The following GRB14 variants were observed in gnomAD, a reference collection of about 807,000 sequenced individuals.
GRB14 encodes growth factor receptor bound protein 14.
In GRB14, 38 loss-of-function variants were observed where a neutral mutation model predicts 69.1. The ratio of observed to expected loss-of-function variants is 0.55; its 90% CI spans 0.42 to 0.72. The LOEUF is 0.72. GRB14 is among the 30% of genes least tolerant of loss of function. The probability of loss-of-function intolerance (pLI) is 0.00; values close to 1 mark genes in which losing one functional copy is unlikely to be tolerated. For missense variants in GRB14, 666 were observed against 666.1 expected (o/e 1.00, Z 0.00); for synonymous variants, 247 against 241.3 (o/e 1.02, Z -0.22).
intron 6 of GRB14, among the ~76,000 whole-genome samples, chr2:164,518,899 G>C (rs1244698643): frequency 6.6e-6 from 1 of 151,484 alleles, no homozygotes; most frequent in Admixed American, 6.6e-5. Flanking sequence ...CAAAAAAAAA[G>C]GTCCAGGACC....
chr2:164,592,293 C>A (rs1435986235), intron 2 of GRB14, among the ~76,000 whole-genome samples: 2 of 152,062 alleles, frequency 1.3e-5, no homozygotes, highest in Non-Finnish European at 2.9e-5. Flanking sequence ...TATCATCACG[C>A]CAGGTTAATT....
intron 6 of GRB14, among the ~76,000 whole-genome samples, chr2:164,512,681 C>T (rs189976907): frequency 2.0e-5 from 3 of 152,218 alleles, no homozygotes; most frequent in South Asian, 4.1e-4. Context: ...CATGCACACA[C>T]ATAAGACCCA....
At chr2:164,562,493 C>A (rs1010419181) in intron 2 of GRB14, among the ~76,000 whole-genome samples, 1 of 152,092 alleles carries the variant, frequency 6.6e-6, no homozygotes, top group Non-Finnish European at 1.5e-5. Context: ...TGAAGAAAAA[C>A]CACTTTTTGT....
intron 2 of GRB14, among the ~76,000 whole-genome samples, chr2:164,555,919 C>T (rs1688668027): frequency 6.6e-6 from 1 of 151,660 alleles, no homozygotes; most frequent in African/African-American, 2.4e-5. Flanking sequence ...CAATATTTTT[C>T]TTTATTATTT....
chr2:164,617,113 G>T (rs1690316405), intron 2 of GRB14, among the ~76,000 whole-genome samples: 1 of 152,110 alleles, frequency 6.6e-6, no homozygotes, highest in East Asian at 1.9e-4. Flanking sequence ...GGGGGAAAAA[G>T]GAAGCATAAA....
intron 1 of GRB14, among the ~76,000 whole-genome samples, chr2:164,620,891 C>A (rs765085072): frequency 6.6e-6 from 1 of 152,166 alleles, no homozygotes; most frequent in Non-Finnish European, 1.5e-5. Context: ...TGGGCAGAGG[C>A]GAGAGAGATG....
chr2:164,582,745 C>T (rs940949431), intron 2 of GRB14, among the ~76,000 whole-genome samples: 2 of 152,156 alleles, frequency 1.3e-5, no homozygotes, highest in Admixed American at 1.3e-4. Flanking sequence ...AGTTCACTCC[C>T]TAAGAATGAA....
intron 3 of GRB14, among the ~76,000 whole-genome samples, chr2:164,531,536 G>A (rs921812851): frequency 6.6e-6 from 1 of 152,130 alleles, no homozygotes. Context: ...TTGTTTTTTT[G>A]AGTGTCACAG....
intron 2 of GRB14, among the ~76,000 whole-genome samples, chr2:164,590,849 C>T (rs998122473): frequency 5.9e-5 from 9 of 152,176 alleles, no homozygotes; most frequent in African/African-American, 1.9e-4. Context: ...GAATATACAA[C>T]TGCACTGGTC....
chr2:164,558,124 C>T (rs562292491), intron 2 of GRB14, among the ~76,000 whole-genome samples: 15 of 152,224 alleles, frequency 9.9e-5, no homozygotes, highest in African/African-American at 3.4e-4. Flanking sequence ...CAGGACATCT[C>T]CTTAAAGCCC....
intron 3 of GRB14, among the ~76,000 whole-genome samples, chr2:164,541,840 TTTCAACCC>T (rs1181741751): frequency 1.3e-5 from 2 of 152,082 alleles, no homozygotes; most frequent in African/African-American, 4.8e-5. Context: ...ACAGTTAGTT[TTTCAACCC>T]TTCCTCCCAC....
chr2:164,573,658 T>C, intron 2 of GRB14: 1 of 1,571,278 alleles, frequency 6.4e-7, no homozygotes. Context: ...TTCTTTATGG[T>C]TCTTCAGTAG....
chr2:164,497,021 C>G lies in GRB14; in HGVS notation c.1369G>C (p.Gly457Arg). 6.8e-6 allele frequency: 11 copies of G among 1,613,670 alleles called. No individual in the cohort carries two copies. The highest frequency in any genetic ancestry group is 9.3e-6 in the Non-Finnish European group (11 of 1,179,674). Reference sequence around the variant, plus strand: ...TACCAAACTTACCCATCCACAAGTCCTTGCTGAATAATCAATCGCTGAGCC... The same window carrying G: ...TACCAAACTTACCCATCCACAAGTCGTTGCTGAATAATCAATCGCTGAGCC... ...DEAQRLIIQQ[G>R]LVDGVFLVRD... is the part of the protein sequence containing the mutation. The change falls in exon 12 of 14, where the codon GGA becomes CGA. Residue 457 changes from glycine to arginine, a missense_variant. Physicochemically the swap from Gly to Arg is moderately radical, Grantham distance 125. Coordinates refer to ENST00000263915, the MANE Select transcript of GRB14 (RefSeq NM_004490.3).
rs546197650 is a variant in GRB14 at position 164,580,156 on chromosome 2, G to A, written c.325-32340C>T. 2.8e-4 allele frequency among the ~76,000 whole-genome samples: 42 copies of A among 150,986 alleles called. 1 individual carries two copies. The South Asian group carries it at 6.7e-3, about 24-fold the overall frequency. On this transcript the variant is annotated intron_variant, in intron 2 of 13. Transcript: ENST00000263915. ...GTCGCCCAGGCTGGAGTGCAGTGGC[G>A]TGGTCTCGCCTCACTGCAACCTCTG...
chr2:164,584,804 G>T (rs937793166), intron 2 of GRB14, among the ~76,000 whole-genome samples: 1 of 152,026 alleles, frequency 6.6e-6, no homozygotes, highest in Non-Finnish European at 1.5e-5. Context: ...TCAAGAAACT[G>T]CTAGTACCTT....
chr2:164,514,671 A>G (rs1238926476), intron 6 of GRB14, among the ~76,000 whole-genome samples: 3 of 152,072 alleles, frequency 2.0e-5, no homozygotes, highest in Admixed American at 2.0e-4. Flanking sequence ...TAACAATTTC[A>G]ACTGACTCAT....
At chr2:164,593,555 C>G (rs2105347347) in intron 2 of GRB14, among the ~76,000 whole-genome samples, 1 of 152,256 alleles carries the variant, frequency 6.6e-6, no homozygotes, top group South Asian at 2.1e-4. Context: ...AATTACTCCT[C>G]CTTCCCCCAG....
intron 6 of GRB14, among the ~76,000 whole-genome samples, chr2:164,512,797 C>T (rs537860697): frequency 6.6e-6 from 1 of 152,284 alleles, no homozygotes; most frequent in East Asian, 1.9e-4. Flanking sequence ...AACTATTTTG[C>T]AGCTCCATAT....
At chr2:164,615,144 T>C (rs946282557) in intron 2 of GRB14, among the ~76,000 whole-genome samples, 1 of 152,196 alleles carries the variant, frequency 6.6e-6, no homozygotes, top group Admixed American at 6.5e-5. Flanking sequence ...CTTCCAGTTT[T>C]TGCATACTCT....
Sources: allele counts gnomAD v4.1 joint callset (sites outside exome capture counted in the v4.1 genomes callset), GRCh38; gene constraint gnomAD v4.1.1; transcripts MANE v1.5; gene names NCBI Gene and HGNC (gene_info 2026-07-23, HGNC 2026-07-21).